RHPN2: variants seen among roughly 807,000 people sequenced by gnomAD.
RHPN2 encodes rhophilin-2.
In RHPN2, 40 loss-of-function variants were observed where a neutral mutation model predicts 79.0. The observed-to-expected ratio is 0.51, with a 90% confidence interval of 0.39 to 0.66. The LOEUF is 0.66. Among genes scored for constraint, RHPN2 ranks in the 30% least tolerant of loss-of-function variants. The probability of loss-of-function intolerance (pLI) is 0.00; values close to 1 mark genes in which losing one functional copy is unlikely to be tolerated. For missense variants in RHPN2, 686 were observed against 883.5 expected (o/e 0.78, Z 2.83); for synonymous variants, 285 against 363.5 (o/e 0.78, Z 2.46).
chr19:33,062,927 T>A (rs1972294001), intron 1 of RHPN2, among the ~76,000 whole-genome samples: 1 of 151,698 alleles, frequency 6.6e-6, no homozygotes, highest in African/African-American at 2.4e-5. Flanking sequence ...CACAGGAAAA[T>A]GTGTTCTGGG....
intron 1 of RHPN2, among the ~76,000 whole-genome samples, chr19:33,049,494 C>G (rs1045433267): frequency 6.6e-6 from 1 of 152,200 alleles, no homozygotes; most frequent in Non-Finnish European, 1.5e-5. Flanking sequence ...GGGGCTAAAC[C>G]TCTCACACCT....
chr19:33,045,776 C>T (rs1286927019), intron 1 of RHPN2, among the ~76,000 whole-genome samples: 1 of 152,012 alleles, frequency 6.6e-6, no homozygotes, highest in Non-Finnish European at 1.5e-5. Flanking sequence ...GCCCATCAAC[C>T]ACTATCTGAT....
In RHPN2 at chr19:33,064,774, A is replaced by C; in HGVS notation, c.69+10T>G. On this transcript the variant is annotated intron_variant, in intron 1 of 14. Transcript: ENST00000254260. ...CGCAGGTCCCCGCCCGCCCGCCCGA[A>C]GCCGCCCACCTTCCGAAAGTAGCCG... 4.8e-6 allele frequency: 4 copies of C among 842,088 alleles called. No individual in the cohort carries two copies. Among genetic ancestry groups the C allele is most frequent in the Non-Finnish European group, 6.7e-6 (4 of 593,268 alleles). 52.2% of individuals were successfully genotyped at this position (842,088 alleles called of 1,614,324 possible).
chr19:33,046,428 G>C (rs548532718), intron 1 of RHPN2, among the ~76,000 whole-genome samples: 1 of 152,156 alleles, frequency 6.6e-6, no homozygotes, highest in African/African-American at 2.4e-5. Context: ...ACCATGACCA[G>C]ATAATTTTTG....
chr19:33,039,521 G>A, intron 2 of RHPN2, among the ~76,000 whole-genome samples: 1 of 152,008 alleles, frequency 6.6e-6, no homozygotes, highest in East Asian at 1.9e-4. Flanking sequence ...TCCCCCCTCT[G>A]AAACGAGTCC....
chr19:33,044,221 A>C (rs772950062), intron 2 of RHPN2, 28 bp downstream of exon 2: 1 of 1,522,330 alleles, frequency 6.6e-7, no homozygotes, highest in South Asian at 1.1e-5. Flanking sequence ...AGGACTCAGG[A>C]GAGGCAGGGA....
intron 14 of RHPN2, among the ~76,000 whole-genome samples, chr19:32,988,293 T>C (rs753812842): frequency 3.3e-5 from 5 of 151,574 alleles, no homozygotes; most frequent in Admixed American, 6.6e-5. Flanking sequence ...ACCCATGAGA[T>C]TGATCAAGCC....
intron 8 of RHPN2, among the ~76,000 whole-genome samples, 155 bp downstream of exon 8, chr19:33,002,658 C>T (rs1305786264): frequency 2.6e-5 from 4 of 152,168 alleles, no homozygotes; most frequent in Non-Finnish European, 4.4e-5. Context: ...AACACCAACA[C>T]TTGCCAAGAA....
intron 1 of RHPN2, among the ~76,000 whole-genome samples, chr19:33,048,578 T>A (rs995886051): frequency 6.0e-5 from 9 of 150,762 alleles, no homozygotes; most frequent in African/African-American, 2.2e-4. Context: ...ATATAAAAAT[T>A]AGCTGGGCGT....
At chr19:32,991,471 C>T (rs1781025598) in intron 13 of RHPN2, 1 of 307,582 alleles carries the variant, frequency 3.3e-6, no homozygotes, top group East Asian at 8.7e-5. Flanking sequence ...AAAACAAAAA[C>T]AAAAACTAAA....
chr19:33,062,782 AATAATAATAATAATAATAATAATT>A (rs1382530714), intron 1 of RHPN2, among the ~76,000 whole-genome samples: 4 of 138,630 alleles, frequency 2.9e-5, no homozygotes, highest in Non-Finnish European at 6.0e-5. Flanking sequence ...TAATAATAAT[AATAATAATAATAATAATAATAATT>A]AATAAATGAA....
intron 2 of RHPN2, among the ~76,000 whole-genome samples, chr19:33,040,792 A>G (rs894655100): frequency 2.0e-5 from 3 of 151,958 alleles, no homozygotes; most frequent in South Asian, 2.1e-4. Flanking sequence ...CTGTCTTACT[A>G]AAAGTATAAA....
intron 1 of RHPN2, among the ~76,000 whole-genome samples, chr19:33,057,979 G>C (rs1450278852): frequency 6.6e-6 from 1 of 152,124 alleles, no homozygotes. Flanking sequence ...GGACAACATA[G>C]TGAAACACCA....
chr19:33,002,229 G>A lies in RHPN2; in HGVS notation c.1105+18C>T, dbSNP rs113694111. 3.1e-5 allele frequency: 50 copies of A among 1,611,428 alleles called. No individual in the cohort carries two copies. Among genetic ancestry groups the A allele is most frequent in the Non-Finnish European group, 3.6e-5 (42 of 1,179,396 alleles). On this transcript the variant is annotated intron_variant, in intron 9 of 14. Transcript: ENST00000254260. ...GGACCACAGCCCTCGCCAAACTCCC[G>A]AACCCCCCAGGCCTTACCCTGGTGG...
chr19:33,028,877 G>A (rs781506518), intron 2 of RHPN2, among the ~76,000 whole-genome samples: 10 of 151,962 alleles, frequency 6.6e-5, no homozygotes, highest in South Asian at 2.1e-4. Context: ...GGTGGCTCAC[G>A]TCTGTAATCC....
chr19:33,004,839 G>A (rs1024274931), intron 7 of RHPN2, among the ~76,000 whole-genome samples: 4 of 151,350 alleles, frequency 2.6e-5, no homozygotes, highest in Non-Finnish European at 4.4e-5. Context: ...TGCCTGCCTC[G>A]GCCACTGAAA....
At chr19:32,998,474 C>G (rs554500610) in intron 10 of RHPN2, among the ~76,000 whole-genome samples, 1 of 151,948 alleles carries the variant, frequency 6.6e-6, no homozygotes, top group East Asian at 1.9e-4. Flanking sequence ...GAGACCGCAT[C>G]TCTACAAAAA....
At chr19:33,019,107 A>C (rs1380489868) in intron 4 of RHPN2, among the ~76,000 whole-genome samples, 1 of 152,076 alleles carries the variant, frequency 6.6e-6, no homozygotes, top group African/African-American at 2.4e-5. Flanking sequence ...TTCTTTTCTA[A>C]ACTAAAAGTA....
intron 11 of RHPN2, 116 bp downstream of exon 11, chr19:32,995,910 T>C (rs1308893448): frequency 3.1e-6 from 3 of 964,376 alleles, no homozygotes; most frequent in African/African-American, 1.6e-5. Context: ...CCCTACCCTG[T>C]GCAGCTCTCC....
Sources: allele counts gnomAD v4.1 joint callset (sites outside exome capture counted in the v4.1 genomes callset), GRCh38; gene constraint gnomAD v4.1.1; transcripts MANE v1.5; gene names NCBI Gene and HGNC (gene_info 2026-07-23, HGNC 2026-07-21).